Variants in RAPGEF4 observed in about 807,000 individuals in gnomAD.
RAPGEF4 encodes Rap guanine nucleotide exchange factor 4.
In RAPGEF4, 66 loss-of-function variants were observed where a neutral mutation model predicts 147.9. The ratio of observed to expected loss-of-function variants is 0.45; its 90% CI spans 0.37 to 0.55. RAPGEF4 has a LOEUF of 0.55. Among genes scored for constraint, RAPGEF4 ranks in the 20% least tolerant of loss-of-function variants. The probability of loss-of-function intolerance (pLI) is 0.00; values close to 1 mark genes in which losing one functional copy is unlikely to be tolerated. For missense variants in RAPGEF4, 1,071 were observed against 1,257.3 expected, an observed-to-expected ratio of 0.85 and a Z score of 2.24; for synonymous variants, 419 against 442.7, an observed-to-expected ratio of 0.95 and a Z score of 0.67.
intron 29 of RAPGEF4, among the ~76,000 whole-genome samples, chr2:173,047,017 A>C (rs1374950770): frequency 1.3e-5 from 2 of 152,186 alleles, no homozygotes; most frequent in African/African-American, 4.8e-5. Context: ...GGTTGACTAG[A>C]ATTACATAGC....
intron 17 of RAPGEF4, among the ~76,000 whole-genome samples, chr2:173,005,843 A>G (rs1177996020): frequency 1.3e-5 from 2 of 152,118 alleles, no homozygotes; most frequent in East Asian, 1.9e-4. Context: ...CACATATAGG[A>G]GAAATCAAGG....
In RAPGEF4 at chr2:172,755,854, G is replaced by A. The variant is rs982834222; in HGVS notation, c.65+19806G>A. ...GAAATTGGCATCAGTAAAGTCCACAGAATTTATTTGGGCTTTACCAATTCT... is the reference window on the plus strand; with the variant it reads ...GAAATTGGCATCAGTAAAGTCCACAAAATTTATTTGGGCTTTACCAATTCT... On this transcript the variant is annotated intron_variant, in intron 1 of 30. Transcript: ENST00000397081. Among the ~76,000 whole-genome samples, 3 of 152,102 alleles carry A rather than the reference G, an allele frequency of 2.0e-5. No individual in the cohort carries two copies. In the East Asian group the frequency reaches 5.8e-4, roughly 29 times the overall value.
At chr2:172,942,553 G>T (rs1687267938) in intron 6 of RAPGEF4, among the ~76,000 whole-genome samples, 3 of 130,944 alleles carry the variant, frequency 2.3e-5, no homozygotes, top group South Asian at 2.5e-4. Flanking sequence ...CTCCTGCTTA[G>T]ATCTTAGAGT....
At chr2:172,868,919 A>C (rs1694923644) in intron 4 of RAPGEF4, among the ~76,000 whole-genome samples, 1 of 152,166 alleles carries the variant, frequency 6.6e-6, no homozygotes, top group African/African-American at 2.4e-5. Context: ...CATGTCACTG[A>C]CGAGAGCTGG....
At chr2:172,953,383 T>C (rs1399190420) in intron 6 of RAPGEF4, among the ~76,000 whole-genome samples, 1 of 147,958 alleles carries the variant, frequency 6.8e-6, no homozygotes, top group Admixed American at 6.8e-5. Context: ...TATATATAAA[T>C]ATGTTATATA....
intron 4 of RAPGEF4, among the ~76,000 whole-genome samples, chr2:172,823,264 C>T (rs144021296): frequency 6.6e-6 from 1 of 152,320 alleles, no homozygotes; most frequent in African/African-American, 2.4e-5. Context: ...ACTGAGTCCA[C>T]AGAAAAGGGG....
chr2:172,886,076 T>A (rs1163033180), intron 4 of RAPGEF4, among the ~76,000 whole-genome samples: 3 of 152,156 alleles, frequency 2.0e-5, no homozygotes, highest in Non-Finnish European at 4.4e-5. Context: ...TTATTTGCAC[T>A]CTTTTGTTTA....
At chr2:172,753,237 A>C (rs1187287892) in intron 1 of RAPGEF4, among the ~76,000 whole-genome samples, 2 of 152,136 alleles carry the variant, frequency 1.3e-5, no homozygotes, top group Non-Finnish European at 2.9e-5. Context: ...TAAAATGTAT[A>C]TATGATTAAT....
chr2:173,027,268 A>G lies in RAPGEF4; in HGVS notation c.2558+9A>G. On this transcript the variant is annotated intron_variant, in intron 25 of 30. Transcript: ENST00000397081. ...ATTAAGATAGCAGCCCAGTAAGTATATTTAGCTTGGAAAGAGAAAAAAAAA... is the reference window on the plus strand; with the variant it reads ...ATTAAGATAGCAGCCCAGTAAGTATGTTTAGCTTGGAAAGAGAAAAAAAAA... The G allele has an allele frequency of 6.4e-7, 1 of 1,562,296 alleles. No homozygotes were observed. Among genetic ancestry groups the G allele is most frequent in the Non-Finnish European group, 8.6e-7 (1 of 1,160,960 alleles).
At chr2:172,928,067 G>A (rs774002024) in intron 6 of RAPGEF4, 10 of 392,368 alleles carry the variant, frequency 2.5e-5, no homozygotes, top group Non-Finnish European at 4.0e-5. Context: ...TGTGTAGTGT[G>A]TAAATACTCC....
intron 1 of RAPGEF4, among the ~76,000 whole-genome samples, chr2:172,769,971 G>T (rs1332542678): frequency 1.3e-5 from 2 of 152,066 alleles, no homozygotes; most frequent in Non-Finnish European, 2.9e-5. Context: ...ATCCAAGGGT[G>T]GATAAAAAGG....
At chr2:172,965,466 T>TAAGC in intron 8 of RAPGEF4, 96 bp from the exon 9 acceptor site, 2 of 1,379,910 alleles carry the variant, frequency 1.4e-6, no homozygotes, top group Non-Finnish European at 2.0e-6. Flanking sequence ...AGGAGATCAT[T>TAAGC]AAGCCCTTTG....
intron 4 of RAPGEF4, among the ~76,000 whole-genome samples, chr2:172,830,907 C>T (rs1451193745): frequency 6.6e-6 from 1 of 152,114 alleles, no homozygotes. Context: ...TCCCCTGCCC[C>T]AACCACCAGA....
At chr2:172,776,188 C>T (rs1190402013) in intron 1 of RAPGEF4, among the ~76,000 whole-genome samples, 1 of 152,170 alleles carries the variant, frequency 6.6e-6, no homozygotes, top group Non-Finnish European at 1.5e-5. Context: ...TTGAGTCCCA[C>T]ATCACTCTAT....
chr2:172,904,026 T>G (rs1338297976), intron 4 of RAPGEF4, among the ~76,000 whole-genome samples: 1 of 152,192 alleles, frequency 6.6e-6, no homozygotes, highest in Non-Finnish European at 1.5e-5. Context: ...GGGTCAACAG[T>G]CATGGGCTAT....
chr2:172,793,655 C>T (rs563077736), intron 1 of RAPGEF4, among the ~76,000 whole-genome samples: 49 of 152,210 alleles, frequency 3.2e-4, no homozygotes, highest in African/African-American at 1.2e-3. Context: ...CTGCAAAGCA[C>T]ATGGAAGGAA....
chr2:172,895,023 A>G (rs1360262587), intron 4 of RAPGEF4, among the ~76,000 whole-genome samples: 2 of 152,036 alleles, frequency 1.3e-5, no homozygotes, highest in Non-Finnish European at 2.9e-5. Flanking sequence ...AATTTTCTTT[A>G]GAGAGCTCTC....
chr2:173,013,524 C>T (rs960691701), intron 17 of RAPGEF4, among the ~76,000 whole-genome samples: 5 of 152,130 alleles, frequency 3.3e-5, no homozygotes, highest in African/African-American at 1.2e-4. Context: ...AACTAATTAT[C>T]TATAATATGA....
At chr2:172,851,661 G>C (rs980009419) in intron 4 of RAPGEF4, among the ~76,000 whole-genome samples, 3 of 152,142 alleles carry the variant, frequency 2.0e-5, no homozygotes, top group Non-Finnish European at 1.5e-5. Context: ...GGTTGGAACT[G>C]GAGGTCATTA....
Sources: allele counts gnomAD v4.1 joint callset (sites outside exome capture counted in the v4.1 genomes callset), GRCh38; gene constraint gnomAD v4.1.1; transcripts MANE v1.5; gene names NCBI Gene and HGNC (gene_info 2026-07-23, HGNC 2026-07-21).